Variants in GRIK2 observed in about 807,000 individuals in gnomAD.
GRIK2 encodes the protein glutamate ionotropic receptor kainate type subunit 2.
Under a neutral mutation model 100.3 loss-of-function variants are expected in GRIK2, and 32 were observed. The ratio of observed to expected loss-of-function variants is 0.32; its 90% CI spans 0.24 to 0.43. The LOEUF is 0.43. Ranked by LOEUF, GRIK2 falls within the 20% of genes least tolerant of loss-of-function variation. The probability of loss-of-function intolerance (pLI) is 1.00; values close to 1 mark genes in which losing one functional copy is unlikely to be tolerated. For synonymous variants in GRIK2, 417 were observed against 389.4 expected, an observed-to-expected ratio of 1.07 and a Z score of -0.83; for missense variants, 843 against 1,114.9, an observed-to-expected ratio of 0.76 and a Z score of 3.47.
rs544498035 is a variant in GRIK2 at position 102,009,599 on chromosome 6, C to G, written c.2086-25742C>G. ...GCTTTTAGATGTAAGAAAATGTCTT[C>G]TGGATTAATTACTCCCTAAAACTTT... is the stretch of plus-strand genomic sequence containing the variant. On this transcript the variant is annotated intron_variant, in intron 14 of 16. Transcript: ENST00000369134. 1.0e-3 allele frequency among the ~76,000 whole-genome samples: 157 copies of G among 152,130 alleles called. 1 individual carries two copies. Among genetic ancestry groups the G allele is most frequent in the Non-Finnish European group, 1.6e-3 (106 of 67,984 alleles).
At chr6:101,570,745 C>T (rs561206513) in intron 2 of GRIK2, among the ~76,000 whole-genome samples, 1 of 152,278 alleles carries the variant, frequency 6.6e-6, no homozygotes, top group Non-Finnish European at 1.5e-5. Context: ...TCAAACCTTT[C>T]CCTGTGGTCT....
chr6:102,016,622 TAG>T (rs1432420397), intron 14 of GRIK2, among the ~76,000 whole-genome samples: 12 of 151,720 alleles, frequency 7.9e-5, no homozygotes, highest in African/African-American at 2.9e-4. Flanking sequence ...AATATGGGAT[TAG>T]ATAAGGAGAC....
chr6:101,853,097 A>G (rs1784230506), intron 10 of GRIK2, among the ~76,000 whole-genome samples: 1 of 152,154 alleles, frequency 6.6e-6, no homozygotes, highest in Non-Finnish European at 1.5e-5. Flanking sequence ...TAAAAATCCA[A>G]CATATACGGT....
chr6:101,417,736 G>T (rs1357015333), intron 2 of GRIK2, among the ~76,000 whole-genome samples: 2 of 152,120 alleles, frequency 1.3e-5, no homozygotes, highest in Admixed American at 1.3e-4. Context: ...ATTGCTTCTG[G>T]CAATAGTAGG....
In GRIK2 at chr6:101,720,213, AC is replaced by A. The variant is rs1774381971; in HGVS notation, c.951+33863del. ...TATATCCAACATGATTATGAGACAG[AC>A]CCAGCCCACACTGTCAGAAAAAAAT... is the stretch of plus-strand genomic sequence containing the variant. On this transcript the variant is annotated intron_variant, in intron 7 of 16. Transcript: ENST00000369134. Among the ~76,000 whole-genome samples, 3 of 151,888 alleles carry A rather than the reference AC, an allele frequency of 2.0e-5. No individual in the cohort carries two copies. In the South Asian group the frequency reaches 6.2e-4, roughly 31 times the overall value.
chr6:101,916,633 C>T (rs1216455812), intron 12 of GRIK2, among the ~76,000 whole-genome samples: 2 of 151,568 alleles, frequency 1.3e-5, no homozygotes, highest in Non-Finnish European at 3.0e-5. Context: ...CAGGCGATCT[C>T]CATTACAGAC....
chr6:101,565,317 A>G (rs1339307795), intron 2 of GRIK2, among the ~76,000 whole-genome samples: 1 of 152,150 alleles, frequency 6.6e-6, no homozygotes, highest in African/African-American at 2.4e-5. Context: ...GATGACTCTT[A>G]AAACACACTT....
chr6:101,622,719 G>A (rs1344567524), intron 3 of GRIK2, among the ~76,000 whole-genome samples: 2 of 151,760 alleles, frequency 1.3e-5, no homozygotes, highest in Non-Finnish European at 2.9e-5. Context: ...TACTTTATGA[G>A]TTTTATTTTC....
At chr6:101,996,368 T>C (rs1389692180) in intron 14 of GRIK2, among the ~76,000 whole-genome samples, 1 of 152,060 alleles carries the variant, frequency 6.6e-6, no homozygotes, top group African/African-American at 2.4e-5. Flanking sequence ...GAAGAAATAA[T>C]GTTTTTAACT....
intron 7 of GRIK2, among the ~76,000 whole-genome samples, chr6:101,757,919 T>C (rs1777237193): frequency 1.3e-5 from 2 of 152,246 alleles, no homozygotes. Flanking sequence ...AATGCTAGCT[T>C]TATTTTTGGC....
At chr6:101,941,538 C>T (rs1790954599) in intron 14 of GRIK2, among the ~76,000 whole-genome samples, 1 of 151,048 alleles carries the variant, frequency 6.6e-6, no homozygotes. Context: ...AGGAAGTTAA[C>T]CAAAGTTAGA....
At chr6:102,037,216 A>T (rs1770318163) in intron 15 of GRIK2, among the ~76,000 whole-genome samples, 1 of 151,366 alleles carries the variant, frequency 6.6e-6, no homozygotes, top group South Asian at 2.1e-4. Flanking sequence ...AATGAAAAAA[A>T]ACAAACGAGT....
chr6:101,905,594 T>C (rs1788164212), intron 12 of GRIK2, among the ~76,000 whole-genome samples: 2 of 151,566 alleles, frequency 1.3e-5, no homozygotes, highest in African/African-American at 4.8e-5. Context: ...ATTGAGATTA[T>C]ATAAATTCAT....
chr6:102,001,203 TTTTAC>T (rs1489288229), intron 14 of GRIK2, among the ~76,000 whole-genome samples: 1 of 151,440 alleles, frequency 6.6e-6, no homozygotes, highest in Non-Finnish European at 1.5e-5. Flanking sequence ...TTTTTTTTCA[TTTTAC>T]TTTAAGTTCC....
At chr6:101,419,935 G>A (rs772568851) in intron 2 of GRIK2, among the ~76,000 whole-genome samples, 1 of 152,176 alleles carries the variant, frequency 6.6e-6, no homozygotes, top group South Asian at 2.1e-4. Context: ...CCCTCAAGCA[G>A]CCTTTCCTAA....
At chr6:101,741,846 A>G (rs1347144553) in intron 7 of GRIK2, among the ~76,000 whole-genome samples, 1 of 152,218 alleles carries the variant, frequency 6.6e-6, no homozygotes, top group East Asian at 1.9e-4. Context: ...ATGACACACA[A>G]CTACACCAAA....
chr6:102,041,021 A>G (rs1276637996), intron 15 of GRIK2, among the ~76,000 whole-genome samples: 7 of 151,550 alleles, frequency 4.6e-5, no homozygotes, highest in Non-Finnish European at 7.4e-5. Flanking sequence ...AATAAACTCA[A>G]ATTACACCTG....
intron 2 of GRIK2, among the ~76,000 whole-genome samples, chr6:101,563,931 C>T (rs1294672888): frequency 6.6e-6 from 1 of 151,738 alleles, no homozygotes; most frequent in Non-Finnish European, 1.5e-5. Flanking sequence ...ACAAACAATA[C>T]AAAAATTTAA....
At chr6:101,988,132 TGCGCGCGC>T (rs112299589) in intron 14 of GRIK2, among the ~76,000 whole-genome samples, 2,771 of 29,416 alleles carry the variant, frequency 0.094, 71 homozygotes, top group Admixed American at 0.27. Flanking sequence ...TGTGTGTGTG[TGCGCGCGC>T]GCGCGCGCGC....
Sources: allele counts gnomAD v4.1 joint callset (sites outside exome capture counted in the v4.1 genomes callset), GRCh38; gene constraint gnomAD v4.1.1; transcripts MANE v1.5; gene names NCBI Gene and HGNC (gene_info 2026-07-23, HGNC 2026-07-21).